The following CDH7 variants were observed in gnomAD, a reference collection of about 807,000 sequenced individuals.
The protein encoded by CDH7 is cadherin-7.
In CDH7, 25 loss-of-function variants were observed where a neutral mutation model predicts 71.8. The observed-to-expected ratio is 0.35, with a 90% CI of 0.25 to 0.49. CDH7 has a LOEUF of 0.49. Ranked by LOEUF, CDH7 falls within the 20% of genes least tolerant of loss-of-function variation. CDH7 has a pLI of 0.99. For synonymous variants in CDH7, 381 were observed against 363.8 expected (o/e 1.05, Z -0.54); for missense variants, 862 against 974.6 (o/e 0.88, Z 1.54).
rs1487360857 is a variant in CDH7, at chr18:65,881,693, T to C, written c.*799T>C. The stretch of plus-strand genomic sequence containing the variant: ...TATCTTTTCTTTTTTATTTGACACA[T>C]GGTGTTGTATTTATTTTGGAGCTCC... On this transcript the variant is annotated 3_prime_UTR_variant, in exon 12 of 12. Transcript: ENST00000397968. 1.3e-5 allele frequency: 2 copies of C among 152,256 alleles called. No homozygotes were observed. The highest frequency in any genetic ancestry group is 2.1e-4 in the South Asian group (1 of 4,826). The allele number at this position is 152,256 out of a possible 1,614,324, so 9.4% of individuals were successfully genotyped here. A position where few individuals can be genotyped will look rare whatever the true frequency, so the allele number is the denominator to read the frequency against.
At position 65,886,630 on chromosome 18, in the gene CDH7, A is replaced by G. The variant is rs536655611; in HGVS notation, c.*5736A>G. 3 of 152,334 alleles carry G rather than the reference A, an allele frequency of 2.0e-5. No individual in the cohort carries two copies. The highest frequency in any genetic ancestry group is 1.9e-4 in the East Asian group (1 of 5,184). The allele number at this position is 152,334 out of a possible 1,614,324, so 9.4% of individuals were successfully genotyped here. On this transcript the variant is annotated 3_prime_UTR_variant, in exon 12 of 12. Transcript: ENST00000397968. ...AATAGAGAAAAAGACAATAATGAGT[A>G]TAAGTTAAGTGGTCTTCCAGGCATC...
chr18:65,878,587 C>G (rs1187527748), intron 11 of CDH7, among the ~76,000 whole-genome samples: 1 of 152,114 alleles, frequency 6.6e-6, no homozygotes, highest in Non-Finnish European at 1.5e-5. Flanking sequence ...AAGGTGAATA[C>G]CAGACTACTT....
rs1242494632 is a variant in CDH7, at chr18:65,814,569, A to G, written c.590A>G (p.Gln197Arg). 6.2e-7 allele frequency: 1 copy of G among 1,613,766 alleles called. No homozygotes were observed. The highest frequency in any genetic ancestry group is 8.5e-7 in the Non-Finnish European group (1 of 1,179,786). ...GCCAGAGTGGTCTACAGTATTCTGC[A>G]AGGACAGCCGTACTTCTCAGTGGAG... is the stretch of plus-strand genomic sequence containing the variant. ...NSARVVYSIL[Q>R]GQPYFSVEPK... Residue 197 changes from glutamine to arginine, a missense_variant, in exon 4 of 12, where the codon CAA (glutamine) becomes CGA (arginine). Coordinates refer to ENST00000397968, the MANE Select transcript of CDH7 (RefSeq NM_004361.5).
At chr18:65,752,756 T>G (rs192856582) in intron 1 of CDH7, among the ~76,000 whole-genome samples, 2 of 152,160 alleles carry the variant, frequency 1.3e-5, no homozygotes, top group Non-Finnish European at 2.9e-5. Flanking sequence ...TAGTCTTATC[T>G]GGGAAAGCTA....
intron 10 of CDH7, among the ~76,000 whole-genome samples, chr18:65,861,928 T>A (rs1361586105): frequency 6.6e-6 from 1 of 152,146 alleles, no homozygotes; most frequent in African/African-American, 2.4e-5. Context: ...GACAAGTTAG[T>A]TGGAAAACTG....
intron 2 of CDH7, among the ~76,000 whole-genome samples, chr18:65,790,733 G>A (rs546298472): frequency 6.6e-6 from 1 of 152,146 alleles, no homozygotes; most frequent in Admixed American, 6.5e-5. Context: ...GCCTGATGTG[G>A]TGTTGCACGC....
intron 1 of CDH7, among the ~76,000 whole-genome samples, chr18:65,757,981 C>G (rs933842439): frequency 6.6e-6 from 1 of 152,048 alleles, no homozygotes; most frequent in Non-Finnish European, 1.5e-5. Flanking sequence ...AAGAGGGATG[C>G]AGTGTTTTTG....
chr18:65,836,276 T>TG (rs1188522625), intron 6 of CDH7, among the ~76,000 whole-genome samples: 1 of 152,108 alleles, frequency 6.6e-6, no homozygotes. Context: ...AACATTTCTA[T>TG]GGGGGCGAAA....
intron 8 of CDH7, 97 bp from the exon 9 acceptor site, chr18:65,858,828 T>C: frequency 8.2e-7 from 1 of 1,215,876 alleles, no homozygotes; most frequent in Non-Finnish European, 1.2e-6. Flanking sequence ...TACAGCATTA[T>C]GATTCTAGAT....
At chr18:65,808,381 A>G (rs896078208) in intron 2 of CDH7, among the ~76,000 whole-genome samples, 7 of 152,166 alleles carry the variant, frequency 4.6e-5, no homozygotes, top group African/African-American at 1.4e-4. Context: ...ATAATTCACA[A>G]TAGTTGAAGA....
chr18:65,805,336 A>G (rs565414944), intron 2 of CDH7, among the ~76,000 whole-genome samples: 3 of 152,322 alleles, frequency 2.0e-5, no homozygotes, highest in African/African-American at 4.8e-5. Flanking sequence ...AATGCTTGCT[A>G]TGCTCAGGCA....
At chr18:65,751,310 T>G (rs1306712845) in intron 1 of CDH7, among the ~76,000 whole-genome samples, 160 bp downstream of exon 1, 1 of 152,164 alleles carries the variant, frequency 6.6e-6, no homozygotes, top group Non-Finnish European at 1.5e-5. Context: ...CGTGTTGCAG[T>G]GAGATGTGGC....
intron 2 of CDH7, among the ~76,000 whole-genome samples, chr18:65,799,538 T>C (rs1221074539): frequency 3.3e-5 from 5 of 151,978 alleles, no homozygotes; most frequent in Admixed American, 1.3e-4. Flanking sequence ...TAGCCGGGCA[T>C]GGTGGCGGGT....
chr18:65,858,748 A>G (rs985359014), intron 8 of CDH7, among the ~76,000 whole-genome samples, 177 bp from the exon 9 acceptor site: 3 of 152,076 alleles, frequency 2.0e-5, no homozygotes, highest in African/African-American at 7.2e-5. Context: ...ACACATACAA[A>G]TACATACATA....
At chr18:65,778,974 G>A (rs1910070559) in intron 2 of CDH7, among the ~76,000 whole-genome samples, 1 of 151,216 alleles carries the variant, frequency 6.6e-6, no homozygotes. Context: ...AGGATTGTTT[G>A]AATTTTCAAG....
intron 4 of CDH7, among the ~76,000 whole-genome samples, chr18:65,821,578 G>T (rs1354466173): frequency 2.0e-5 from 3 of 152,110 alleles, no homozygotes; most frequent in Admixed American, 1.3e-4. Flanking sequence ...ATATAGATCT[G>T]TTGCAGATGT....
chr18:65,855,700 T>G (rs1202665072), intron 7 of CDH7, among the ~76,000 whole-genome samples: 1 of 152,168 alleles, frequency 6.6e-6, no homozygotes, highest in Non-Finnish European at 1.5e-5. Context: ...TACACAGTAT[T>G]GTTCAGGAAA....
At chr18:65,866,858 GA>G (rs1276914924) in intron 11 of CDH7, among the ~76,000 whole-genome samples, 25 of 149,688 alleles carry the variant, frequency 1.7e-4, no homozygotes, top group African/African-American at 5.2e-4. Flanking sequence ...TTCTTTAAAT[GA>G]AAAAAAAATC....
intron 2 of CDH7, among the ~76,000 whole-genome samples, chr18:65,805,548 A>G (rs1401157031): frequency 1.3e-5 from 2 of 152,258 alleles, no homozygotes; most frequent in African/African-American, 4.8e-5. Context: ...AGCCAAGTAA[A>G]TGTTCCATTC....
Sources: allele counts gnomAD v4.1 joint callset (sites outside exome capture counted in the v4.1 genomes callset), GRCh38; gene constraint gnomAD v4.1.1; transcripts MANE v1.5; gene names NCBI Gene and HGNC (gene_info 2026-07-23, HGNC 2026-07-21).